ARIH2: variants seen among roughly 807,000 people sequenced by gnomAD.
ARIH2 encodes the protein E3 ubiquitin-protein ligase ARIH2.
In ARIH2, 12 loss-of-function variants were observed where a neutral mutation model predicts 79.8. That is an observed-to-expected ratio of 0.15 (90% confidence interval 0.10 to 0.24). The LOEUF (loss-of-function observed/expected upper bound fraction) is 0.24, where lower values mean the gene tolerates loss of function less well. Among genes scored for constraint, ARIH2 ranks in the 10% least tolerant of loss-of-function variants. ARIH2 has a pLI of 1.00. For synonymous variants in ARIH2, 224 were observed against 213.9 expected (o/e 1.05, Z -0.41); for missense variants, 301 against 618.3 (o/e 0.49, Z 5.44).
intron 3 of ARIH2, chr3:48,934,447 G>T (rs2086837296): frequency 1.0e-6 from 1 of 984,958 alleles, no homozygotes; most frequent in African/African-American, 1.8e-5. Context: ...TGTTATTATT[G>T]TTGCTACTAC....
intron 2 of ARIH2, 123 bp from the exon 3 acceptor site, chr3:48,927,339 C>T (rs6787804): frequency 3.8e-6 from 2 of 531,238 alleles, no homozygotes; most frequent in East Asian, 3.4e-5. Context: ...CCATGTGATA[C>T]CAGAGTTGGA....
chr3:48,980,504 C>T lies in ARIH2; in HGVS notation c.1257+8C>T. On this transcript the variant is annotated splice_region_variant and intron_variant, in intron 13 of 15. Transcript: ENST00000356401. ...GCCAAGCTCTTGGCCAAGGTATCTACCACTTCACTCATCTTATCCCTGGTC... is the reference window on the plus strand; with the variant it reads ...GCCAAGCTCTTGGCCAAGGTATCTATCACTTCACTCATCTTATCCCTGGTC... 1.9e-6 allele frequency: 3 copies of T among 1,613,366 alleles called. No homozygotes were observed. Among genetic ancestry groups the T allele is most frequent in the Non-Finnish European group, 2.5e-6 (3 of 1,179,570 alleles).
intron 9 of ARIH2, among the ~76,000 whole-genome samples, 195 bp downstream of exon 9, chr3:48,974,011 C>T (rs1306019505): frequency 6.6e-6 from 1 of 152,074 alleles, no homozygotes; most frequent in Non-Finnish European, 1.5e-5. Flanking sequence ...TGCATATTTT[C>T]TTTATTATGA....
intron 3 of ARIH2, among the ~76,000 whole-genome samples, chr3:48,950,640 C>T (rs1446287440): frequency 1.3e-5 from 2 of 152,030 alleles, no homozygotes; most frequent in Admixed American, 6.5e-5. Flanking sequence ...CTGTGCTGCC[C>T]GGTATGGTAG....
chr3:48,929,328 C>T (rs567757845), intron 3 of ARIH2, among the ~76,000 whole-genome samples: 1 of 151,462 alleles, frequency 6.6e-6, no homozygotes, highest in Admixed American at 6.6e-5. Context: ...TCCGTCCGTC[C>T]GTCCTTCCTT....
chr3:48,936,586 A>G (rs575339168), intron 3 of ARIH2, among the ~76,000 whole-genome samples: 3 of 152,050 alleles, frequency 2.0e-5, no homozygotes, highest in Admixed American at 2.0e-4. Flanking sequence ...TACAAAAATT[A>G]GCTGGGCATG....
intron 5 of ARIH2, 45 bp downstream of exon 5, chr3:48,965,027 G>A (rs750997600): frequency 6.3e-7 from 1 of 1,580,532 alleles, no homozygotes; most frequent in East Asian, 2.2e-5. Context: ...ATTGCATGTG[G>A]TTCTTGCTTT....
rs897193885 is a variant in ARIH2, at chr3:48,926,243, G to A, written c.-97-1219G>A. ...TCTTTTTTGAGATGGAGTTTCCCTC[G>A]TGTGTGTGTGTGTGTGTGTGTGTAT... On this transcript the variant is annotated intron_variant, in intron 2 of 15. Coordinates refer to ENST00000356401, the MANE Select transcript of ARIH2 (RefSeq NM_006321.4). Among the ~76,000 whole-genome samples, 640 of 129,478 alleles carry A rather than the reference G, an allele frequency of 4.9e-3. 3 individuals carry two copies. Among genetic ancestry groups the A allele is most frequent in the African/African-American group, 0.021 (623 of 29,254 alleles). The allele number at this position is 129,478 out of a possible 152,430, so 84.9% of individuals were successfully genotyped here.
chr3:48,931,389 C>G (rs2086335316), intron 3 of ARIH2, among the ~76,000 whole-genome samples: 1 of 151,696 alleles, frequency 6.6e-6, no homozygotes, highest in Admixed American at 6.6e-5. Context: ...ACTAAAAATA[C>G]AAACAAAAAA....
Position 48,920,820 on chromosome 3 carries a change from G to C in ARIH2, c.-162+1822G>C, listed in dbSNP as rs2084710814. Among the ~76,000 whole-genome samples the C allele has an allele frequency of 3.0e-5, 2 of 67,360 alleles. 1 individual carries two copies. Among genetic ancestry groups the C allele is most frequent in the African/African-American group, 9.3e-5 (2 of 21,500 alleles). The allele number at this position is 67,360 out of a possible 152,430, so 44.2% of individuals were successfully genotyped here. On this transcript the variant is annotated intron_variant, in intron 1 of 15. Transcript: ENST00000356401. ...ACTAAAAATACAAAAAATTAGCCAG[G>C]CATGGTGGCGGGCGCCTGTAATCCA...
At chr3:48,932,654 A>G (rs532922511) in intron 3 of ARIH2, among the ~76,000 whole-genome samples, 10 of 152,232 alleles carry the variant, frequency 6.6e-5, no homozygotes, top group Non-Finnish European at 1.3e-4. Context: ...AGGCAGGATC[A>G]TGACTGTGGA....
intron 11 of ARIH2, among the ~76,000 whole-genome samples, chr3:48,978,543 T>G (rs539555074): frequency 6.8e-6 from 1 of 147,528 alleles, no homozygotes; most frequent in South Asian, 2.2e-4. Context: ...GGTCTCAAAT[T>G]CCTGACCTCA....
At chr3:48,974,077 A>G (rs760802533) in intron 9 of ARIH2, among the ~76,000 whole-genome samples, 2 of 152,182 alleles carry the variant, frequency 1.3e-5, no homozygotes, top group Admixed American at 6.5e-5. Flanking sequence ...ATTAGAAGAG[A>G]ACTAATTATG....
At chr3:48,980,556 C>T (rs369545085) in intron 13 of ARIH2, 60 bp downstream of exon 13, 2 of 1,566,640 alleles carry the variant, frequency 1.3e-6, no homozygotes, top group African/African-American at 2.7e-5. Flanking sequence ...CAGGCACAGA[C>T]CTCTGATAGT....
intron 1 of ARIH2, among the ~76,000 whole-genome samples, chr3:48,919,783 T>C (rs2084513584): frequency 6.6e-6 from 1 of 152,172 alleles, no homozygotes; most frequent in Non-Finnish European, 1.5e-5. Flanking sequence ...AAATTGCTGA[T>C]TTCTAGTTTT....
At chr3:48,975,603 C>T (rs1246299719) in intron 11 of ARIH2, among the ~76,000 whole-genome samples, 2 of 151,492 alleles carry the variant, frequency 1.3e-5, no homozygotes, top group African/African-American at 4.9e-5. Flanking sequence ...CTCACTCTGT[C>T]ACCCAGGCTG....
intron 1 of ARIH2, among the ~76,000 whole-genome samples, chr3:48,922,081 T>C (rs898575185): frequency 2.6e-5 from 4 of 152,070 alleles, no homozygotes; most frequent in African/African-American, 9.7e-5. Flanking sequence ...ACATTTAGGA[T>C]TGAAATTGTG....
chr3:48,923,290 A>G (rs2085082204), intron 2 of ARIH2, among the ~76,000 whole-genome samples: 1 of 151,794 alleles, frequency 6.6e-6, no homozygotes, highest in Admixed American at 6.6e-5. Flanking sequence ...AATCCCAGCT[A>G]CTGAGAGACT....
At chr3:48,979,913 TC>T in intron 12 of ARIH2, 1 of 331,350 alleles carries the variant, frequency 3.0e-6, no homozygotes, top group Non-Finnish European at 5.4e-6. Context: ...TCTAGTACCA[TC>T]TTTTTTTTTT....
Sources: allele counts gnomAD v4.1 joint callset (sites outside exome capture counted in the v4.1 genomes callset), GRCh38; gene constraint gnomAD v4.1.1; transcripts MANE v1.5; gene names NCBI Gene and HGNC (gene_info 2026-07-23, HGNC 2026-07-21).